TMEM131: variants seen among roughly 807,000 people sequenced by gnomAD.
TMEM131 encodes the protein transmembrane protein 131, also known as 2610524E03Rik.
TMEM131 carries 66 observed loss-of-function variants against 211.6 expected under a neutral mutation model. The ratio of observed to expected loss-of-function variants is 0.31; its 90% CI spans 0.26 to 0.38. The LOEUF (loss-of-function observed/expected upper bound fraction) is 0.38, where lower values mean the gene tolerates loss of function less well. Among genes scored for constraint, TMEM131 ranks in the 10% least tolerant of loss-of-function variants. TMEM131 has a pLI of 1.00. For synonymous variants in TMEM131, 844 were observed against 841.3 expected (o/e 1.00, Z -0.06); for missense variants, 2,036 against 2,299.3 (o/e 0.89, Z 2.34).
intron 31 of TMEM131, among the ~76,000 whole-genome samples, chr2:97,782,091 C>T (rs1337335626): frequency 1.3e-5 from 2 of 152,218 alleles, no homozygotes; most frequent in African/African-American, 2.4e-5. Context: ...GTAATGAACG[C>T]CCTTCCTGGC....
chr2:97,804,942 G>C, intron 22 of TMEM131, 146 bp downstream of exon 22: 1 of 551,384 alleles, frequency 1.8e-6, no homozygotes, highest in East Asian at 3.0e-5. Flanking sequence ...AATTTAAGAT[G>C]CCTCACTAAT....
chr2:97,936,240 TA>T (rs1677439011), intron 1 of TMEM131, among the ~76,000 whole-genome samples: 1 of 152,112 alleles, frequency 6.6e-6, no homozygotes, highest in Non-Finnish European at 1.5e-5. Flanking sequence ...CCCAAAAGTT[TA>T]AAAGGAAAAG....
At chr2:97,896,589 G>C (rs1158699050) in intron 3 of TMEM131, among the ~76,000 whole-genome samples, 1 of 152,050 alleles carries the variant, frequency 6.6e-6, no homozygotes, top group East Asian at 1.9e-4. Flanking sequence ...TCTTCTTGTT[G>C]CATTGATCCC....
chr2:97,982,363 ACTGT>A (rs1281748584), intron 1 of TMEM131, among the ~76,000 whole-genome samples: 1 of 151,990 alleles, frequency 6.6e-6, no homozygotes, highest in East Asian at 1.9e-4. Flanking sequence ...TTTTAATTGC[ACTGT>A]CTGTTGTAAC....
At chr2:97,788,832 T>G (rs1452788565) in intron 31 of TMEM131, among the ~76,000 whole-genome samples, 1 of 152,222 alleles carries the variant, frequency 6.6e-6, no homozygotes. Flanking sequence ...CTCTATAGGC[T>G]TTCTGACCTT....
chr2:97,793,006 G>A (rs200793516), intron 30 of TMEM131, 22 bp from the exon 31 acceptor site: 7 of 1,468,822 alleles, frequency 4.8e-6, no homozygotes, highest in South Asian at 1.3e-5. Context: ...ACCAACTGCA[G>A]ATCAGTAAAT....
chr2:97,769,119 A>C (rs899084466), intron 33 of TMEM131, among the ~76,000 whole-genome samples: 3 of 149,882 alleles, frequency 2.0e-5, no homozygotes, highest in Non-Finnish European at 4.4e-5. Context: ...AGTAGTTGGG[A>C]CTACAGGTGT....
At chr2:97,941,848 G>A (rs1402287268) in intron 1 of TMEM131, among the ~76,000 whole-genome samples, 1 of 152,222 alleles carries the variant, frequency 6.6e-6, no homozygotes, top group Non-Finnish European at 1.5e-5. Flanking sequence ...AGGATGTGGA[G>A]AAATAGGAAC....
intron 4 of TMEM131, among the ~76,000 whole-genome samples, chr2:97,866,158 G>A (rs2105203709): frequency 6.6e-6 from 1 of 152,330 alleles, no homozygotes; most frequent in South Asian, 2.1e-4. Flanking sequence ...AGGGATTACA[G>A]GCGTGAGCCG....
At chr2:97,968,540 A>C (rs932546162) in intron 1 of TMEM131, among the ~76,000 whole-genome samples, 5 of 152,182 alleles carry the variant, frequency 3.3e-5, no homozygotes, top group Non-Finnish European at 7.3e-5. Context: ...GGGTCTCGGA[A>C]AATGAGTTCT....
At chr2:97,814,996 C>T (rs572557707) in intron 13 of TMEM131, among the ~76,000 whole-genome samples, 3 of 152,222 alleles carry the variant, frequency 2.0e-5, no homozygotes, top group African/African-American at 4.8e-5. Context: ...ATCCTATCAT[C>T]CCACTTACCC....
At chr2:97,843,439 G>A (rs915811740) in intron 6 of TMEM131, among the ~76,000 whole-genome samples, 2 of 152,146 alleles carry the variant, frequency 1.3e-5, no homozygotes, top group African/African-American at 4.8e-5. Flanking sequence ...GGGCTCAAGC[G>A]ATCCTCCCAC....
chr2:97,881,514 C>G (rs1674928911), intron 4 of TMEM131, among the ~76,000 whole-genome samples: 1 of 151,886 alleles, frequency 6.6e-6, no homozygotes, highest in Non-Finnish European at 1.5e-5. Context: ...GGCTGTGACT[C>G]TTTTTAGAGT....
intron 31 of TMEM131, among the ~76,000 whole-genome samples, chr2:97,779,280 A>T (rs1167209929): frequency 2.0e-5 from 3 of 152,192 alleles, no homozygotes; most frequent in Admixed American, 2.0e-4. Flanking sequence ...GGGAGGGGAG[A>T]CAATGTGCCT....
intron 17 of TMEM131, 104 bp downstream of exon 17, chr2:97,812,317 G>C: frequency 7.7e-7 from 1 of 1,293,918 alleles, no homozygotes; most frequent in Middle Eastern, 2.0e-4. Context: ...ACACTATTAT[G>C]AACTGCATAA....
chr2:97,768,212 G>T (rs542024438), intron 33 of TMEM131, among the ~76,000 whole-genome samples: 1 of 152,270 alleles, frequency 6.6e-6, no homozygotes, highest in East Asian at 1.9e-4. Flanking sequence ...ATAACAAACT[G>T]AAGTGAAAAA....
chr2:97,826,173 G>A (rs1174849115), intron 11 of TMEM131, among the ~76,000 whole-genome samples: 1 of 152,168 alleles, frequency 6.6e-6, no homozygotes, highest in African/African-American at 2.4e-5. Flanking sequence ...TGAAGGGCAG[G>A]TTATGCCATA....
intron 1 of TMEM131, among the ~76,000 whole-genome samples, chr2:97,985,755 A>C (rs964348046): frequency 5.3e-5 from 8 of 152,186 alleles, no homozygotes; most frequent in Admixed American, 3.3e-4. Context: ...GAATGAAAGG[A>C]AATACTGTAT....
At chr2:97,936,597 G>C (rs1022427787) in intron 1 of TMEM131, among the ~76,000 whole-genome samples, 17 of 152,192 alleles carry the variant, frequency 1.1e-4, no homozygotes, top group African/African-American at 3.6e-4. Context: ...ACCACACGGA[G>C]ACTTCAGTAG....
Sources: gnomAD v4.1 joint callset for allele counts (sites outside exome capture counted in the v4.1 genomes callset) on GRCh38, gnomAD v4.1.1 for gene constraint, MANE v1.5 for transcripts, NCBI Gene and HGNC (gene_info 2026-07-23, HGNC 2026-07-21) for gene names.